The following MAML2 variants were observed in gnomAD, a reference collection of about 807,000 sequenced individuals.
MAML2 encodes mastermind like transcriptional coactivator 2, also known as mastermind-like protein 2.
In MAML2, 22 loss-of-function variants were observed where a neutral mutation model predicts 96.1. That is an observed-to-expected ratio of 0.23 (90% CI 0.16 to 0.33). The LOEUF (loss-of-function observed/expected upper bound fraction) is 0.33. Among genes scored for constraint, MAML2 ranks in the 10% least tolerant of loss-of-function variants. The pLI is 1.00. For synonymous variants in MAML2, 561 were observed against 521.3 expected, an observed-to-expected ratio of 1.08 and a Z score of -1.04; for missense variants, 1,367 against 1,392.4, an observed-to-expected ratio of 0.98 and a Z score of 0.29.
At chr11:96,118,377 G>T (rs577700392) in intron 1 of MAML2, among the ~76,000 whole-genome samples, 1 of 152,206 alleles carries the variant, frequency 6.6e-6, no homozygotes, top group East Asian at 1.9e-4. Context: ...GAGTTCTCAG[G>T]TTTAAAAGTG....
At chr11:96,002,406 G>A (rs1858092289) in intron 2 of MAML2, among the ~76,000 whole-genome samples, 1 of 152,204 alleles carries the variant, frequency 6.6e-6, no homozygotes, top group Non-Finnish European at 1.5e-5. Flanking sequence ...CATTTTTGAA[G>A]CCAATGTTGT....
At chr11:96,255,596 C>A (rs1206319807) in intron 1 of MAML2, among the ~76,000 whole-genome samples, 1 of 152,186 alleles carries the variant, frequency 6.6e-6, no homozygotes, top group Non-Finnish European at 1.5e-5. Flanking sequence ...AGAATTCCAA[C>A]AGAAGATTTC....
chr11:96,042,198 G>C (rs547090996), intron 2 of MAML2, among the ~76,000 whole-genome samples: 1 of 152,096 alleles, frequency 6.6e-6, no homozygotes, highest in Non-Finnish European at 1.5e-5. Context: ...GGATGGTCTC[G>C]ATCTCCTGAC....
At chr11:96,194,991 C>G (rs539279487) in intron 1 of MAML2, among the ~76,000 whole-genome samples, 1 of 152,306 alleles carries the variant, frequency 6.6e-6, no homozygotes, top group South Asian at 2.1e-4. Context: ...ATATTCACAT[C>G]TTGAACTTGT....
chr11:96,316,778 C>T (rs1053487624), intron 1 of MAML2, among the ~76,000 whole-genome samples: 2 of 152,116 alleles, frequency 1.3e-5, no homozygotes, highest in Admixed American at 1.3e-4. Flanking sequence ...TTGCTGTACT[C>T]AGTATGGACA....
chr11:96,236,431 T>TA (rs1862368401), intron 1 of MAML2, among the ~76,000 whole-genome samples: 1 of 1,010 alleles, frequency 9.9e-4, no homozygotes, highest in Admixed American at 1.5e-3. Context: ...CCCGAAAGTC[T>TA]GTATCTTTCA....
At chr11:96,126,071 G>T (rs1412893041) in intron 1 of MAML2, among the ~76,000 whole-genome samples, 1 of 152,136 alleles carries the variant, frequency 6.6e-6, no homozygotes, top group Non-Finnish European at 1.5e-5. Flanking sequence ...TGATACGGTC[G>T]TAATACTTTC....
chr11:96,251,119 G>T (rs956746087), intron 1 of MAML2, among the ~76,000 whole-genome samples: 1 of 152,112 alleles, frequency 6.6e-6, no homozygotes, highest in Non-Finnish European at 1.5e-5. Context: ...TTTCCACCCC[G>T]CCATCCCTCA....
At chr11:96,123,906 CTAA>C (rs1410808332) in intron 1 of MAML2, among the ~76,000 whole-genome samples, 4 of 151,732 alleles carry the variant, frequency 2.6e-5, no homozygotes, top group African/African-American at 9.7e-5. Context: ...CCCGTCTCTA[CTAA>C]TAATACAAAA....
At chr11:96,274,344 AG>A (rs1862958065) in intron 1 of MAML2, among the ~76,000 whole-genome samples, 1 of 151,792 alleles carries the variant, frequency 6.6e-6, no homozygotes, top group Non-Finnish European at 1.5e-5. Context: ...GGCCTTCCAA[AG>A]TACTGGGAAT....
intron 3 of MAML2, among the ~76,000 whole-genome samples, chr11:95,991,261 G>T (rs1857905467): frequency 1.3e-5 from 2 of 152,138 alleles, no homozygotes; most frequent in Non-Finnish European, 2.9e-5. Context: ...GCCCATGTTG[G>T]TTGTTCTAGA....
intron 1 of MAML2, among the ~76,000 whole-genome samples, chr11:96,201,352 A>G (rs1033228939): frequency 6.6e-6 from 1 of 152,204 alleles, no homozygotes; most frequent in East Asian, 1.9e-4. Flanking sequence ...TCCCTCCCCA[A>G]TTATAACAGC....
At chr11:96,132,142 G>C (rs964657348) in intron 1 of MAML2, among the ~76,000 whole-genome samples, 1 of 152,170 alleles carries the variant, frequency 6.6e-6, no homozygotes, top group African/African-American at 2.4e-5. Context: ...TACATATTTT[G>C]TTCTCACCCA....
chr11:96,076,432 T>TCACACA (rs57102762), intron 2 of MAML2, among the ~76,000 whole-genome samples: 1,224 of 103,144 alleles, frequency 0.012, 13 homozygotes, highest in African/African-American at 0.021. Context: ...TCTCTCTCTC[T>TCACACA]CACACACACA....
intron 2 of MAML2, among the ~76,000 whole-genome samples, chr11:96,017,564 T>C (rs1238772464): frequency 6.6e-6 from 1 of 152,102 alleles, no homozygotes; most frequent in Non-Finnish European, 1.5e-5. Context: ...ACAAATAATA[T>C]ATGATGATAA....
At chr11:96,227,907 G>T (rs1396859690) in intron 1 of MAML2, among the ~76,000 whole-genome samples, 1 of 152,150 alleles carries the variant, frequency 6.6e-6, no homozygotes, top group Non-Finnish European at 1.5e-5. Context: ...TTTGAGACCG[G>T]CCTGGCCAAC....
intron 1 of MAML2, among the ~76,000 whole-genome samples, chr11:96,199,422 C>T (rs1861783560): frequency 1.3e-5 from 2 of 151,470 alleles, no homozygotes; most frequent in South Asian, 2.1e-4. Flanking sequence ...TTACAAGAGA[C>T]AGAAAAAAAA....
At chr11:96,243,660 T>C (rs1862469890) in intron 1 of MAML2, among the ~76,000 whole-genome samples, 1 of 150,344 alleles carries the variant, frequency 6.7e-6, no homozygotes, top group Non-Finnish European at 1.5e-5. Context: ...TTTTTCTTTT[T>C]TTTTTTTTTT....
intron 1 of MAML2, among the ~76,000 whole-genome samples, chr11:96,171,593 C>G (rs187579696): frequency 6.6e-6 from 1 of 152,154 alleles, no homozygotes; most frequent in Non-Finnish European, 1.5e-5. Flanking sequence ...TTCTGGTTGT[C>G]AATGCAGTCA....
Sources: allele counts gnomAD v4.1 joint callset (sites outside exome capture counted in the v4.1 genomes callset), GRCh38; gene constraint gnomAD v4.1.1; transcripts MANE v1.5; gene names NCBI Gene and HGNC (gene_info 2026-07-23, HGNC 2026-07-21).